DOCK3: variants seen among roughly 807,000 people sequenced by gnomAD.
DOCK3 encodes the protein dedicator of cytokinesis protein 3.
DOCK3 carries 60 observed loss-of-function variants against 265.6 expected under a neutral mutation model. The observed-to-expected ratio is 0.23, with a 90% CI of 0.18 to 0.28. The LOEUF is 0.28. DOCK3 is among the 10% of genes least tolerant of loss of function. The pLI is 1.00. For synonymous variants in DOCK3, 881 were observed against 938.0 expected, an observed-to-expected ratio of 0.94 and a Z score of 1.11; for missense variants, 1,981 against 2,594.3, an observed-to-expected ratio of 0.76 and a Z score of 5.14.
At chr3:51,065,297 C>T (rs1367141368) in intron 6 of DOCK3, among the ~76,000 whole-genome samples, 1 of 152,156 alleles carries the variant, frequency 6.6e-6, no homozygotes, top group Non-Finnish European at 1.5e-5. Flanking sequence ...TTGCCTCCTA[C>T]TTAAAATATA....
intron 1 of DOCK3, among the ~76,000 whole-genome samples, chr3:50,777,835 G>T (rs1419346748): frequency 6.6e-6 from 1 of 151,928 alleles, no homozygotes; most frequent in African/African-American, 2.4e-5. Context: ...GGTTTTCTAA[G>T]TATATGATTA....
intron 4 of DOCK3, among the ~76,000 whole-genome samples, chr3:50,907,787 T>C (rs1460738005): frequency 1.3e-5 from 2 of 152,076 alleles, no homozygotes; most frequent in Non-Finnish European, 2.9e-5. Context: ...AATTTGATCC[T>C]GTCATTATGA....
chr3:50,896,092 C>T (rs1437265017), intron 4 of DOCK3, among the ~76,000 whole-genome samples: 4 of 152,168 alleles, frequency 2.6e-5, no homozygotes, highest in Non-Finnish European at 5.9e-5. Flanking sequence ...TGAGGAATCG[C>T]CACACTGTCT....
At chr3:51,337,002 C>G (rs1447489987) in intron 35 of DOCK3, 39 of 415,876 alleles carry the variant, frequency 9.4e-5, no homozygotes, top group South Asian at 6.1e-4. Context: ...CCTCACTCCT[C>G]GAAAAGTCAA....
intron 9 of DOCK3, among the ~76,000 whole-genome samples, chr3:51,119,866 C>A (rs1197053769): frequency 6.6e-6 from 1 of 152,008 alleles, no homozygotes; most frequent in Non-Finnish European, 1.5e-5. Context: ...ATTCCTCTAA[C>A]CTTTTTTCAA....
At chr3:50,782,537 G>T (rs912094200) in intron 2 of DOCK3, among the ~76,000 whole-genome samples, 1 of 151,436 alleles carries the variant, frequency 6.6e-6, no homozygotes, top group Non-Finnish European at 1.5e-5. Context: ...TGATCCGCCC[G>T]CCTCGGCCTC....
At chr3:50,964,431 A>T (rs2108414144) in intron 5 of DOCK3, among the ~76,000 whole-genome samples, 1 of 152,288 alleles carries the variant, frequency 6.6e-6, no homozygotes, top group East Asian at 1.9e-4. Flanking sequence ...GATGGTATTT[A>T]AAAAACACCC....
chr3:50,997,862 A>T (rs2078338579), intron 5 of DOCK3, among the ~76,000 whole-genome samples: 1 of 152,224 alleles, frequency 6.6e-6, no homozygotes, highest in African/African-American at 2.4e-5. Flanking sequence ...TTAGATGACT[A>T]AAATTACTTG....
chr3:50,794,917 G>A (rs1161877775), intron 2 of DOCK3, among the ~76,000 whole-genome samples: 1 of 152,120 alleles, frequency 6.6e-6, no homozygotes, highest in Non-Finnish European at 1.5e-5. Context: ...CTTTTAAGGC[G>A]GGTCTGAGGG....
chr3:51,353,920 C>T (rs1187835286), intron 40 of DOCK3, among the ~76,000 whole-genome samples: 1 of 152,188 alleles, frequency 6.6e-6, no homozygotes, highest in Non-Finnish European at 1.5e-5. Context: ...GAACTTCCTC[C>T]AGCCACCCAC....
intron 9 of DOCK3, among the ~76,000 whole-genome samples, chr3:51,120,537 C>T (rs546803352): frequency 2.6e-5 from 4 of 152,180 alleles, no homozygotes; most frequent in African/African-American, 4.8e-5. Flanking sequence ...CAGGCAGAAA[C>T]GTTTATGTCT....
intron 2 of DOCK3, among the ~76,000 whole-genome samples, chr3:50,834,590 C>T (rs758517638): frequency 4.0e-4 from 61 of 152,102 alleles, no homozygotes; most frequent in Non-Finnish European, 6.0e-4. Flanking sequence ...CTTAGGTGAC[C>T]TAATAGCTAA....
At chr3:50,892,118 C>G (rs981759627) in intron 4 of DOCK3, among the ~76,000 whole-genome samples, 1 of 152,056 alleles carries the variant, frequency 6.6e-6, no homozygotes, top group Non-Finnish European at 1.5e-5. Flanking sequence ...TGTCTGCAGG[C>G]ACTGGAGAAC....
intron 5 of DOCK3, 131 bp from the exon 6 acceptor site, chr3:51,064,317 A>G: frequency 3.4e-6 from 4 of 1,184,154 alleles, no homozygotes; most frequent in Non-Finnish European, 4.7e-6. Context: ...CTTTAAAATT[A>G]AGTTCCTCTT....
At chr3:51,287,551 A>C (rs939018111) in intron 27 of DOCK3, among the ~76,000 whole-genome samples, 2 of 152,186 alleles carry the variant, frequency 1.3e-5, no homozygotes, top group African/African-American at 4.8e-5. Flanking sequence ...CCTGTCTCAA[A>C]ATAGTAAAAA....
chr3:51,248,280 A>G (rs114278095), intron 22 of DOCK3, among the ~76,000 whole-genome samples: 3,115 of 152,354 alleles, frequency 0.02, 122 homozygotes, highest in African/African-American at 0.071. Context: ...ACTCCATCTT[A>G]AAAAGAAAAA....
At chr3:50,874,529 A>C (rs139690007) in intron 3 of DOCK3, among the ~76,000 whole-genome samples, 5 of 123,726 alleles carry the variant, frequency 4.0e-5, no homozygotes, top group South Asian at 2.5e-4. Context: ...AAAAAAAAAA[A>C]CAAAAAAAGT....
chr3:51,280,426 A>G (rs1191339643), intron 27 of DOCK3, among the ~76,000 whole-genome samples: 1 of 152,114 alleles, frequency 6.6e-6, no homozygotes, highest in Non-Finnish European at 1.5e-5. Flanking sequence ...TTCCTTGACT[A>G]TTAGCGGCCC....
chr3:51,300,142 G>C (rs1360715954), intron 27 of DOCK3, among the ~76,000 whole-genome samples: 1 of 152,148 alleles, frequency 6.6e-6, no homozygotes. Flanking sequence ...CTTGTTAGCT[G>C]TATGCCTAGA....
Sources: allele counts gnomAD v4.1 joint callset (sites outside exome capture counted in the v4.1 genomes callset), GRCh38; gene constraint gnomAD v4.1.1; transcripts MANE v1.5; gene names NCBI Gene and HGNC (gene_info 2026-07-23, HGNC 2026-07-21).